KRT4: variants seen among roughly 807,000 people sequenced by gnomAD.
The protein encoded by KRT4 is keratin, type II cytoskeletal 4.
Under a neutral mutation model 50.6 loss-of-function variants are expected in KRT4, and 47 were observed. The ratio of observed to expected loss-of-function variants is 0.93; its 90% CI spans 0.73 to 1.18. The LOEUF (loss-of-function observed/expected upper bound fraction) is 1.18, where lower values mean the gene tolerates loss of function less well. Ranked by LOEUF, KRT4 falls within the 50% of genes most tolerant of loss-of-function variation. KRT4 has a pLI of 0.00. For missense variants in KRT4, 651 were observed against 645.7 expected, an observed-to-expected ratio of 1.01 and a Z score of -0.09; for synonymous variants, 254 against 251.2, an observed-to-expected ratio of 1.01 and a Z score of -0.10.
In KRT4 at chr12:52,809,474, A is replaced by G. The variant is rs1407401168; in HGVS notation, c.743T>C (p.Val248Ala). 1.2e-6 allele frequency: 2 copies of G among 1,612,708 alleles called. No individual in the cohort carries two copies. Among genetic ancestry groups the G allele is most frequent in the Admixed American group, 3.3e-5 (2 of 60,024 alleles). Residue 248 changes from valine to alanine, a missense_variant, in exon 4 of 9, where the codon GTG becomes GCG. Val to Ala is a moderately conservative substitution (Grantham distance 64). Transcript: ENST00000551956. Reference sequence around the variant, plus strand: ...CACCTTGTTCAGGTAGGCAGCATCCACGTCCTGCAGAGGAGTAAGGAGGAT... The same window carrying G: ...CACCTTGTTCAGGTAGGCAGCATCCGCGTCCTGCAGAGGAGTAAGGAGGAT... ...ENDFVVLKKD[V>A]DAAYLNKVEL...
chr12:52,809,541 T>G, intron 3 of KRT4, 63 bp from the exon 4 acceptor site: 1 of 1,157,756 alleles, frequency 8.6e-7, no homozygotes, highest in African/African-American at 1.5e-5. Flanking sequence ...GACGGGTTAC[T>G]AAGTGACACC....
chr12:52,814,052 C>T lies in KRT4; in HGVS notation c.7G>A (p.Ala3Thr), dbSNP rs1315790135. MIARQQCVRGGPR... is the reference protein window; with the variant it reads MITRQQCVRGGPR... Reference sequence around the variant, plus strand: ...CCGCCTCGGACACACTGCTGTCTGGCAATCATGGCTGCAGAGAGCGAGCTG... The same window carrying T: ...CCGCCTCGGACACACTGCTGTCTGGTAATCATGGCTGCAGAGAGCGAGCTG... Residue 3 changes from alanine (A) to threonine (T), a missense_variant, in exon 1 of 9, where the codon GCC becomes ACC. By Grantham distance (58) the Ala-to-Thr change is moderately conservative. Coordinates refer to ENST00000551956, the MANE Select transcript of KRT4 (RefSeq NM_002272.4). The T allele has an allele frequency of 1.2e-6, 2 of 1,613,594 alleles. No individual in the cohort carries two copies. The highest frequency in any genetic ancestry group is 1.1e-5 in the South Asian group (1 of 91,072).
rs546100543 is a variant in KRT4, at chr12:52,810,783, G to A, written c.711C>T (p.Ala237=). The part of the protein sequence containing the change: ...YEEEINKRTA[A]ENDFVVLKKD... ...TCTTTAGGACCACAAAGTCATTCTCGGCTGCTGTGCGTTTGTTGATCTCCT... is the reference window on the plus strand; with the variant it reads ...TCTTTAGGACCACAAAGTCATTCTCAGCTGCTGTGCGTTTGTTGATCTCCT... Residue 237 remains alanine (A), a synonymous_variant, in exon 3 of 9, where the codon GCC becomes GCT. Transcript: ENST00000551956. 26 of 1,614,098 alleles carry A rather than the reference G, an allele frequency of 1.6e-5. No individual in the cohort carries two copies. Among genetic ancestry groups the A allele is most frequent in the South Asian group, 8.8e-5 (8 of 91,066 alleles).
At chr12:52,812,408 C>T (rs1939928697) in intron 1 of KRT4, among the ~76,000 whole-genome samples, 1 of 152,208 alleles carries the variant, frequency 6.6e-6, no homozygotes, top group South Asian at 2.1e-4. Context: ...AATAAGCTTA[C>T]TTATCAATGG....
Position 52,811,794 on chromosome 12 carries a change from T to A in KRT4, c.646A>T (p.Met216Leu), listed in dbSNP as rs375473166. Residue 216 changes from methionine to leucine, a missense_variant, in exon 2 of 9, where the codon ATG becomes TTG. Met to Leu is a conservative substitution (Grantham distance 15). Transcript: ENST00000551956. ...TTGAAGTCCTCCACGCTGTCCTGCA[T>A]GGTCTTCAGCTCAGACTGCAGGCGC... ...KGRLQSELKT[M>L]QDSVEDFKTK... 2 of 1,613,662 alleles carry A rather than the reference T, an allele frequency of 1.2e-6. No homozygotes were observed. The highest frequency in any genetic ancestry group is 1.7e-6 in the Non-Finnish European group (2 of 1,179,978).
intron 2 of KRT4, 67 bp from the exon 3 acceptor site, chr12:52,810,883 T>C (rs1304844414): frequency 6.8e-6 from 9 of 1,328,824 alleles, no homozygotes; most frequent in Non-Finnish European, 9.8e-6. Context: ...AGATCTCTGC[T>C]GCTTGTTTTC....
chr12:52,808,253 C>G (rs1332204672), intron 6 of KRT4, 41 bp downstream of exon 6: 7 of 1,612,494 alleles, frequency 4.3e-6, no homozygotes, highest in Admixed American at 1.7e-5. Context: ...CTGCCTGAGG[C>G]CCCTGGCCTT....
intron 4 of KRT4, 153 bp from the exon 5 acceptor site, chr12:52,809,003 G>T: frequency 1.2e-6 from 1 of 828,956 alleles, no homozygotes; most frequent in Non-Finnish European, 2.0e-6. Flanking sequence ...TGACAGTTCA[G>T]GATGGAAGAG....
chr12:52,811,075 T>C (rs982909199), intron 2 of KRT4: 3 of 501,004 alleles, frequency 6.0e-6, no homozygotes, highest in African/African-American at 5.8e-5. Flanking sequence ...CCAGCAATGA[T>C]GTAGTTGATT....
intron 4 of KRT4, 51 bp downstream of exon 4, chr12:52,809,332 A>T (rs780490204): frequency 2.2e-6 from 3 of 1,372,876 alleles, no homozygotes; most frequent in Non-Finnish European, 3.1e-6. Context: ...CAGCAGCGTC[A>T]CAGATGGGGG....
chr12:52,808,910 G>C (rs918144502), intron 4 of KRT4, 60 bp from the exon 5 acceptor site: 12 of 1,562,802 alleles, frequency 7.7e-6, no homozygotes, highest in Non-Finnish European at 1.1e-5. Context: ...CCTGATACAG[G>C]CTCAAGTAGG....
In KRT4 at chr12:52,808,293, C is replaced by T; in HGVS notation, c.1125+1G>A. On this transcript the variant is annotated splice_donor_variant, in intron 6 of 8. Transcript: ENST00000551956. LOFTEE classifies it high-confidence loss of function. Reference sequence around the variant, plus strand: ...TCCATCTGGAAGGGAGTGACACCCACCTGCTTCTTGATGTTCTCGATCTCT... The same window carrying T: ...TCCATCTGGAAGGGAGTGACACCCATCTGCTTCTTGATGTTCTCGATCTCT... 6.2e-7 allele frequency: 1 copy of T among 1,614,152 alleles called. No homozygotes were observed. Among genetic ancestry groups the T allele is most frequent in the Non-Finnish European group, 8.5e-7 (1 of 1,180,030 alleles).
Position 52,808,700 on chromosome 12 carries a change from G to A in KRT4, c.985C>T (p.Leu329=), listed in dbSNP as rs1490353058. 6.2e-7 allele frequency: 1 copy of A among 1,614,088 alleles called. No homozygotes were observed. Among genetic ancestry groups the A allele is most frequent in the Admixed American group, 1.7e-5 (1 of 60,004 alleles). The change falls in exon 5 of 9, where the codon CTG becomes TTG. Residue 329 remains leucine (L), a synonymous_variant. Transcript: ENST00000551956. ...ATACCACCCACCTTGGTCTGGTACA[G>A]GGCTTCAGCCTCAGCCTTGCTCCTC... ...AQRSKAEAEA[L]YQTKVQQLQI... is the part of the protein sequence containing the mutation.
intron 4 of KRT4, 176 bp downstream of exon 4, chr12:52,809,207 A>G: frequency 1.5e-6 from 1 of 686,396 alleles, no homozygotes; most frequent in Non-Finnish European, 2.7e-6. Flanking sequence ...ATCTGGTTCT[A>G]AGAATCTCCC....
At chr12:52,808,922 G>A in intron 4 of KRT4, 72 bp from the exon 5 acceptor site, 1 of 1,505,886 alleles carries the variant, frequency 6.6e-7, no homozygotes, top group Non-Finnish European at 9.2e-7. Context: ...TCAAGTAGGA[G>A]CAGAGCTGGC....
Position 52,808,390 on chromosome 12 carries a change from T to C in KRT4, c.1029A>G (p.Gln343=). The C allele has an allele frequency of 6.2e-7, 1 of 1,614,052 alleles. No individual in the cohort carries two copies. Among genetic ancestry groups the C allele is most frequent in the Non-Finnish European group, 8.5e-7 (1 of 1,180,006 alleles). The part of the protein sequence containing the change: ...KVQQLQISVD[Q]HGDNLKNTKS... ...TGGTGTTCTTCAGGTTGTCACCATG[T>C]TGGTCAACCGAGATCTGGAGCTGCT... The change falls in exon 6 of 9, where the codon CAA becomes CAG. Residue 343 remains glutamine (Q), a synonymous_variant. Transcript: ENST00000551956.
At position 52,807,754 on chromosome 12, in the gene KRT4, C is replaced by G. The variant is rs749161003; in HGVS notation, c.1236G>C (p.Lys412Asn). 9.9e-6 allele frequency: 16 copies of G among 1,614,098 alleles called. No homozygotes were observed. The highest frequency in any genetic ancestry group is 1.3e-5 in the Non-Finnish European group (15 of 1,180,050). The change falls in exon 7 of 9, where the codon AAG becomes AAC. Residue 412 changes from lysine to asparagine, a missense_variant. Transcript: ENST00000551956. The part of the protein sequence containing the change: ...VELEAALQQA[K>N]EELARMLREY... ...CACGCAGCATTCGTGCCAGCTCCTC[C>G]TTGGCCTGCTGCAGGGCAGCCTCCA... is the stretch of plus-strand genomic sequence containing the variant.
chr12:52,811,941 T>G lies in KRT4; in HGVS notation c.499A>C (p.Thr167Pro). Reference sequence around the variant, plus strand: ...TGCTGCTGGAGCAGGTTCCATTTGGTCTCCAGGACCTTATTCTGTTGCTCT... The same window carrying G: ...TGCTGCTGGAGCAGGTTCCATTTGGGCTCCAGGACCTTATTCTGTTGCTCT... The part of the protein sequence containing the change: ...FLEQQNKVLE[T>P]KWNLLQQQTT... The change falls in exon 2 of 9, where the codon ACC becomes CCC. Residue 167 changes from threonine to proline, a missense_variant. Physicochemically the swap from Thr to Pro is conservative, Grantham distance 38 (BLOSUM62 -1). Coordinates refer to ENST00000551956, the MANE Select transcript of KRT4 (RefSeq NM_002272.4). 6.2e-7 allele frequency: 1 copy of G among 1,613,892 alleles called. No individual in the cohort carries two copies. The highest frequency in any genetic ancestry group is 8.5e-7 in the Non-Finnish European group (1 of 1,180,016).
chr12:52,813,518 G>T, intron 1 of KRT4, 79 bp downstream of exon 1: 2 of 1,283,056 alleles, frequency 1.6e-6, no homozygotes, highest in Non-Finnish European at 2.3e-6. Context: ...CAGCACCTGT[G>T]GCAGGCTCAG....
Sources: gnomAD v4.1 joint callset for allele counts (sites outside exome capture counted in the v4.1 genomes callset) on GRCh38, gnomAD v4.1.1 for gene constraint, MANE v1.5 for transcripts, NCBI Gene and HGNC (gene_info 2026-07-23, HGNC 2026-07-21) for gene names.